PTPRM: variants seen among roughly 807,000 people sequenced by gnomAD.
The protein encoded by PTPRM is receptor-type tyrosine-protein phosphatase mu.
Under a neutral mutation model 186.7 loss-of-function variants are expected in PTPRM, and 47 were observed. The ratio of observed to expected loss-of-function variants is 0.25; its 90% CI spans 0.20 to 0.32. PTPRM has a LOEUF of 0.32. Ranked by LOEUF, PTPRM falls within the 10% of genes least tolerant of loss-of-function variation. PTPRM has a pLI of 1.00. For synonymous variants in PTPRM, 668 were observed against 674.9 expected, an observed-to-expected ratio of 0.99 and a Z score of 0.16; for missense variants, 1,494 against 1,865.0, an observed-to-expected ratio of 0.80 and a Z score of 3.66.
At chr18:7,884,198 A>G (rs2048649590) in intron 2 of PTPRM, among the ~76,000 whole-genome samples, 1 of 152,092 alleles carries the variant, frequency 6.6e-6, no homozygotes, top group Non-Finnish European at 1.5e-5. Context: ...AGGGTTGTGG[A>G]GCTAAAGTCA....
Position 8,183,821 on chromosome 18 carries a change from A to G in PTPRM, c.2300+40042A>G, listed in dbSNP as rs539149497. 3.3e-5 allele frequency among the ~76,000 whole-genome samples: 5 copies of G among 152,230 alleles called. No homozygotes were observed. In the South Asian group the frequency reaches 1.0e-3, roughly 32 times the overall value. Reference sequence around the variant, plus strand: ...GTGGTGTTTACATCCTCAACCTCAGAGGTGATTTGTCCCAAGTCTAGGTGG... The same window carrying G: ...GTGGTGTTTACATCCTCAACCTCAGGGGTGATTTGTCCCAAGTCTAGGTGG... On this transcript the variant is annotated intron_variant, in intron 14 of 32. Coordinates refer to ENST00000580170, the MANE Select transcript of PTPRM (RefSeq NM_001105244.2).
At chr18:8,055,675 AT>A (rs1274575210) in intron 7 of PTPRM, among the ~76,000 whole-genome samples, 1 of 151,962 alleles carries the variant, frequency 6.6e-6, no homozygotes, top group Non-Finnish European at 1.5e-5. Flanking sequence ...GTTTTCTGTT[AT>A]TTTTGTTAAT....
intron 2 of PTPRM, among the ~76,000 whole-genome samples, chr18:7,802,514 G>A (rs1026707593): frequency 2.0e-5 from 3 of 152,070 alleles, no homozygotes; most frequent in East Asian, 3.9e-4. Flanking sequence ...CCAGATACTC[G>A]TTGGCATCAG....
chr18:8,216,321 A>G (rs1280054467), intron 14 of PTPRM, among the ~76,000 whole-genome samples: 1 of 152,208 alleles, frequency 6.6e-6, no homozygotes, highest in East Asian at 1.9e-4. Context: ...AAAATTTTGA[A>G]TAACAAGAAT....
intron 1 of PTPRM, among the ~76,000 whole-genome samples, chr18:7,594,061 TC>T (rs2037192844): frequency 6.6e-6 from 1 of 152,196 alleles, no homozygotes; most frequent in Non-Finnish European, 1.5e-5. Flanking sequence ...TACGACCCTC[TC>T]CGTTCTTTCC....
At chr18:8,213,821 AC>A (rs1300696501) in intron 14 of PTPRM, among the ~76,000 whole-genome samples, 2 of 152,230 alleles carry the variant, frequency 1.3e-5, no homozygotes, top group African/African-American at 4.8e-5. Flanking sequence ...TTGTCACTGC[AC>A]TGTTCACAAT....
At chr18:8,317,109 C>T (rs542182266) in intron 21 of PTPRM, among the ~76,000 whole-genome samples, 20 of 152,152 alleles carry the variant, frequency 1.3e-4, no homozygotes, top group South Asian at 6.2e-4. Flanking sequence ...TGAGTAAAGC[C>T]GTGATCTGGC....
At position 8,296,405 on chromosome 18, in the gene PTPRM, C is replaced by G; in HGVS notation, c.2792C>G (p.Ala931Gly). The G allele has an allele frequency of 6.2e-7, 1 of 1,611,522 alleles. No individual in the cohort carries two copies. The highest frequency in any genetic ancestry group is 8.5e-7 in the Non-Finnish European group (1 of 1,177,754). ...GGGCAGTCTGCACCATGGGACTCGG[C>G]TAAGAAAGATGAGAACAGAATGAAG... ...FEGQSAPWDSAKKDENRMKNR... is the reference protein window; with the variant it reads ...FEGQSAPWDSGKKDENRMKNR... The change falls in exon 20 of 33, where the codon GCT (alanine) becomes GGT (glycine). Residue 931 changes from alanine to glycine, a missense_variant. Coordinates refer to ENST00000580170, the MANE Select transcript of PTPRM (RefSeq NM_001105244.2).
chr18:7,588,803 T>A (rs2037048984), intron 1 of PTPRM, among the ~76,000 whole-genome samples: 1 of 152,192 alleles, frequency 6.6e-6, no homozygotes, highest in East Asian at 1.9e-4. Flanking sequence ...AGATGTGTGG[T>A]TGTTAAATTG....
At chr18:8,168,043 G>A (rs2093348120) in intron 14 of PTPRM, among the ~76,000 whole-genome samples, 1 of 152,176 alleles carries the variant, frequency 6.6e-6, no homozygotes, top group African/African-American at 2.4e-5. Context: ...CTTCTGTTAA[G>A]CAGGAAATGG....
At chr18:8,400,658 G>T (rs559734139) in intron 32 of PTPRM, among the ~76,000 whole-genome samples, 172 of 152,270 alleles carry the variant, frequency 1.1e-3, no homozygotes, top group African/African-American at 3.9e-3. Flanking sequence ...CTGATCTGCG[G>T]ATCTGCCGCA....
At chr18:7,861,891 A>C (rs1413093313) in intron 2 of PTPRM, among the ~76,000 whole-genome samples, 1 of 152,178 alleles carries the variant, frequency 6.6e-6, no homozygotes, top group Non-Finnish European at 1.5e-5. Context: ...TGTAGGCTGT[A>C]TATTTGATTG....
intron 7 of PTPRM, among the ~76,000 whole-genome samples, chr18:8,005,196 CAATT>C (rs991341834): frequency 3.3e-5 from 5 of 152,128 alleles, no homozygotes; most frequent in African/African-American, 1.2e-4. Flanking sequence ...ATGTCTGTCT[CAATT>C]AAGGAATGCC....
At chr18:7,769,720 T>A (rs1242045894) in intron 1 of PTPRM, among the ~76,000 whole-genome samples, 1 of 152,184 alleles carries the variant, frequency 6.6e-6, no homozygotes, top group East Asian at 1.9e-4. Context: ...CTTGGAACAG[T>A]ATAGGAATCA....
At chr18:8,165,117 G>C (rs543164542) in intron 14 of PTPRM, among the ~76,000 whole-genome samples, 2 of 150,944 alleles carry the variant, frequency 1.3e-5, no homozygotes, top group African/African-American at 2.4e-5. Context: ...TGCAGTAAGC[G>C]GAGATCACGC....
chr18:8,248,115 T>C lies in PTPRM; in HGVS notation c.2528-35T>C, dbSNP rs1438474902. The C allele has an allele frequency of 4.6e-6, 7 of 1,521,516 alleles. No individual in the cohort carries two copies. The East Asian group carries it at 1.6e-4, about 34-fold the overall frequency. The allele number at this position is 1,521,516 out of a possible 1,614,324, so 94.3% of individuals were successfully genotyped here. On this transcript the variant is annotated intron_variant, in intron 16 of 32. Coordinates refer to ENST00000580170, the MANE Select transcript of PTPRM (RefSeq NM_001105244.2). The stretch of plus-strand genomic sequence containing the variant: ...CATTTACTGTTCTTTCTCTTTTTAC[T>C]TTCTCTGCATTGACCTGCTTACGGT...
intron 14 of PTPRM, among the ~76,000 whole-genome samples, chr18:8,195,986 C>T (rs1379571638): frequency 2.6e-5 from 4 of 152,150 alleles, no homozygotes; most frequent in Non-Finnish European, 2.9e-5. Context: ...GTAAAATTAT[C>T]GTTACTAGTT....
At chr18:7,772,546 G>C (rs1392331731) in intron 1 of PTPRM, among the ~76,000 whole-genome samples, 1 of 139,542 alleles carries the variant, frequency 7.2e-6, no homozygotes, top group Non-Finnish European at 1.5e-5. Flanking sequence ...AAAGATAAAT[G>C]GGTATACATT....
At chr18:8,259,701 G>A (rs761016453) in intron 19 of PTPRM, among the ~76,000 whole-genome samples, 19 of 152,030 alleles carry the variant, frequency 1.2e-4, no homozygotes, top group Non-Finnish European at 2.4e-4. Context: ...AGGCTGGAGT[G>A]CAGTGGTGCC....
Sources: allele counts gnomAD v4.1 joint callset (sites outside exome capture counted in the v4.1 genomes callset), GRCh38; gene constraint gnomAD v4.1.1; transcripts MANE v1.5; gene names NCBI Gene and HGNC (gene_info 2026-07-23, HGNC 2026-07-21).